XRCC4: variants seen among roughly 807,000 people sequenced by gnomAD.
XRCC4 encodes the protein DNA repair protein XRCC4.
A neutral mutation model predicts 39.1 loss-of-function variants in XRCC4; 28 were observed. The ratio of observed to expected loss-of-function variants is 0.72; its 90% CI spans 0.53 to 0.98. The LOEUF is 0.98. Among genes scored for constraint, XRCC4 ranks in the 50% least tolerant of loss-of-function variants. The probability of loss-of-function intolerance (pLI) is 0.00; values close to 1 mark genes in which losing one functional copy is unlikely to be tolerated. For synonymous variants in XRCC4, 123 were observed against 126.4 expected (o/e 0.97, Z 0.18); for missense variants, 350 against 376.4 (o/e 0.93, Z 0.58).
At chr5:83,256,635 G>GT (rs1753550652) in intron 6 of XRCC4, among the ~76,000 whole-genome samples, 1 of 139,126 alleles carries the variant, frequency 7.2e-6, no homozygotes, top group South Asian at 2.2e-4. Flanking sequence ...GCTTGAATGT[G>GT]TTTAAAAAAA....
rs147186626 is a variant in XRCC4 at position 83,130,273 on chromosome 5, T to C, written c.315+19070T>C. Reference sequence around the variant, plus strand: ...CTGTTTATATGATGGATCACTTTTATTGATTTGCATATATTGAACCAGCCT... The same window carrying C: ...CTGTTTATATGATGGATCACTTTTACTGATTTGCATATATTGAACCAGCCT... On this transcript the variant is annotated intron_variant, in intron 3 of 7. Transcript: ENST00000396027. Among the ~76,000 whole-genome samples, 273 of 152,344 alleles carry C rather than the reference T, an allele frequency of 1.8e-3. 1 individual carries two copies. The highest frequency in any genetic ancestry group is 6.4e-3 in the African/African-American group (266 of 41,586).
At chr5:83,337,923 C>T (rs1304879993) in intron 7 of XRCC4, among the ~76,000 whole-genome samples, 2 of 152,052 alleles carry the variant, frequency 1.3e-5, no homozygotes, top group Non-Finnish European at 2.9e-5. Flanking sequence ...CCGGAAGAGT[C>T]GTGGAAAGCT....
intron 7 of XRCC4, among the ~76,000 whole-genome samples, chr5:83,269,907 T>C (rs1277141356): frequency 2.0e-5 from 3 of 152,130 alleles, no homozygotes; most frequent in Non-Finnish European, 4.4e-5. Flanking sequence ...GCACATTACA[T>C]TTATTGTGCA....
At chr5:83,153,507 A>G (rs1201666345) in intron 3 of XRCC4, among the ~76,000 whole-genome samples, 2 of 152,324 alleles carry the variant, frequency 1.3e-5, no homozygotes, top group Non-Finnish European at 2.9e-5. Context: ...TGCACAAGAC[A>G]TGAACAGCCA....
intron 7 of XRCC4, among the ~76,000 whole-genome samples, chr5:83,325,792 T>C (rs1477401812): frequency 1.3e-5 from 2 of 152,084 alleles, no homozygotes; most frequent in Non-Finnish European, 2.9e-5. Flanking sequence ...ATCTTTATAA[T>C]AGAATTATTC....
At chr5:83,084,316 T>C (rs1305772273) in intron 1 of XRCC4, among the ~76,000 whole-genome samples, 5 of 152,246 alleles carry the variant, frequency 3.3e-5, no homozygotes, top group Non-Finnish European at 5.9e-5. Flanking sequence ...CTCCTTGTTA[T>C]TGCGGAAGCT....
At chr5:83,309,296 AATATATATATAT>A (rs1225850304) in intron 7 of XRCC4, among the ~76,000 whole-genome samples, 29 of 72,232 alleles carry the variant, frequency 4.0e-4, no homozygotes, top group African/African-American at 2.3e-3. Context: ...AAAAAAAAAA[AATATATATATAT>A]ATATATATAT....
chr5:83,300,546 T>TTTTG (rs1755243218), intron 7 of XRCC4, among the ~76,000 whole-genome samples: 1 of 126,988 alleles, frequency 7.9e-6, no homozygotes, highest in Non-Finnish European at 1.6e-5. Context: ...TATCTTTTGT[T>TTTTG]TGTGTGTGTG....
At chr5:83,215,051 G>T (rs1002590358) in intron 6 of XRCC4, among the ~76,000 whole-genome samples, 1 of 151,920 alleles carries the variant, frequency 6.6e-6, no homozygotes, top group Non-Finnish European at 1.5e-5. Context: ...ATTTAGTATT[G>T]TTGGCCGGGT....
At chr5:83,209,083 AGTG>A (rs1678730157) in intron 6 of XRCC4, among the ~76,000 whole-genome samples, 1 of 143,586 alleles carries the variant, frequency 7.0e-6, no homozygotes, top group South Asian at 2.2e-4. Flanking sequence ...CTCCAAAGTG[AGTG>A]TGTGTGTGTG....
At chr5:83,156,746 A>G (rs1748984246) in intron 3 of XRCC4, among the ~76,000 whole-genome samples, 1 of 152,106 alleles carries the variant, frequency 6.6e-6, no homozygotes, top group African/African-American at 2.4e-5. Context: ...AGGGTCTAAT[A>G]AATATCCATA....
intron 3 of XRCC4, among the ~76,000 whole-genome samples, chr5:83,132,278 G>A (rs935045350): frequency 4.0e-4 from 61 of 152,124 alleles, no homozygotes; most frequent in African/African-American, 1.4e-3. Context: ...TTCCCTTTGT[G>A]GGTAACCTGA....
chr5:83,171,270 A>T (rs1749709174), intron 3 of XRCC4, among the ~76,000 whole-genome samples: 1 of 152,136 alleles, frequency 6.6e-6, no homozygotes, highest in African/African-American at 2.4e-5. Flanking sequence ...TGATCTTCTT[A>T]TCTCTGGTCC....
intron 3 of XRCC4, among the ~76,000 whole-genome samples, chr5:83,130,725 C>T (rs1315215817): frequency 6.6e-6 from 1 of 152,170 alleles, no homozygotes; most frequent in Non-Finnish European, 1.5e-5. Flanking sequence ...GGAATTTATC[C>T]ATTTCTTCTA....
intron 1 of XRCC4, among the ~76,000 whole-genome samples, chr5:83,101,546 A>G (rs1029273059): frequency 6.6e-6 from 1 of 152,106 alleles, no homozygotes; most frequent in Non-Finnish European, 1.5e-5. Context: ...GTTCTTTTAA[A>G]TAGTGTTGAT....
At chr5:83,234,924 ATAT>A (rs1752629833) in intron 6 of XRCC4, among the ~76,000 whole-genome samples, 1 of 151,490 alleles carries the variant, frequency 6.6e-6, no homozygotes. Flanking sequence ...TGTAGAATAT[ATAT>A]TATTAAATAT....
chr5:83,301,861 G>A (rs1755295936), intron 7 of XRCC4, among the ~76,000 whole-genome samples: 2 of 152,022 alleles, frequency 1.3e-5, no homozygotes, highest in Non-Finnish European at 2.9e-5. Context: ...GTTTTTTCAG[G>A]TTTGTCAAAG....
At position 83,161,027 on chromosome 5, in the gene XRCC4, G is replaced by T. The variant is rs1031681183; in HGVS notation, c.316-34743G>T. Among the ~76,000 whole-genome samples the T allele has an allele frequency of 3.9e-5, 6 of 151,994 alleles. No homozygotes were observed. In the East Asian group the frequency reaches 1.2e-3, roughly 29 times the overall value. ...ATAGCAACCCTATGAGGTAGATGTT[G>T]TCATTGCCATTTGACAGATGAGGAA... On this transcript the variant is annotated intron_variant, in intron 3 of 7. Coordinates refer to ENST00000396027, the MANE Select transcript of XRCC4 (RefSeq NM_003401.5).
intron 7 of XRCC4, among the ~76,000 whole-genome samples, chr5:83,301,756 G>A (rs1027656391): frequency 1.6e-4 from 25 of 152,150 alleles, no homozygotes; most frequent in African/African-American, 6.0e-4. Flanking sequence ...TTTGTATAAA[G>A]ATATAAGGAA....
Sources: allele counts gnomAD v4.1 joint callset (sites outside exome capture counted in the v4.1 genomes callset), GRCh38; gene constraint gnomAD v4.1.1; transcripts MANE v1.5; gene names NCBI Gene and HGNC (gene_info 2026-07-23, HGNC 2026-07-21).